Variants in PRSS23 observed in about 807,000 individuals in gnomAD.
The protein encoded by PRSS23 is protease, serine 23.
Under a neutral mutation model 34.7 loss-of-function variants are expected in PRSS23, and 25 were observed. The observed-to-expected ratio is 0.72, with a 90% CI of 0.53 to 1.01. The LOEUF is 1.01. Ranked by LOEUF, PRSS23 falls within the 50% of genes least tolerant of loss-of-function variation. PRSS23 has a pLI of 0.00. For missense variants in PRSS23, 445 were observed against 475.6 expected (o/e 0.94, Z 0.60); for synonymous variants, 176 against 186.6 (o/e 0.94, Z 0.46).
At chr11:86,951,459 G>T (rs748018430) in exon 3 of PRSS23, 3 of 1,613,922 alleles carry the variant, frequency 1.9e-6, no homozygotes. Flanking sequence ...TTGACCATCA[G>T]TCTTTCTAAC....
intron 2 of PRSS23, among the ~76,000 whole-genome samples, chr11:86,898,146 G>A (rs1948888691): frequency 6.6e-6 from 1 of 152,152 alleles, no homozygotes; most frequent in Non-Finnish European, 1.5e-5. Flanking sequence ...AAACCCCAGG[G>A]CAGATATTTC....
At chr11:86,901,620 A>C (rs1948912610) in intron 2 of PRSS23, among the ~76,000 whole-genome samples, 1 of 152,194 alleles carries the variant, frequency 6.6e-6, no homozygotes, top group South Asian at 2.1e-4. Context: ...GAAAGCCTCT[A>C]ATTCAAAGTC....
intron 1 of PRSS23, among the ~76,000 whole-genome samples, chr11:86,806,320 T>G (rs184828767): frequency 4.6e-5 from 7 of 152,348 alleles, no homozygotes; most frequent in African/African-American, 1.4e-4. Context: ...CTCTGTCTTA[T>G]GTTATCAGAC....
rs149491135 is a variant in PRSS23 at position 86,851,517 on chromosome 11, G to C, written c.206+27924G>C. ...GAGTGACAAGGATTTGAGAGGGCAG[G>C]TTGGATGCAGGGAGAGGACTGGCCA... On this transcript the variant is annotated intron_variant, in intron 2 of 2. Transcript: ENST00000533902. 7.9e-5 allele frequency among the ~76,000 whole-genome samples: 12 copies of C among 152,336 alleles called. No individual in the cohort carries two copies. In the East Asian group the frequency reaches 1.9e-3, roughly 24 times the overall value.
At chr11:86,819,722 TG>T (rs1948239731) in intron 1 of PRSS23, among the ~76,000 whole-genome samples, 1 of 152,220 alleles carries the variant, frequency 6.6e-6, no homozygotes, top group Non-Finnish European at 1.5e-5. Flanking sequence ...TCTCAAAATA[TG>T]GTATAAATTA....
chr11:86,850,101 G>C (rs1297097009), intron 2 of PRSS23, among the ~76,000 whole-genome samples: 2 of 152,130 alleles, frequency 1.3e-5, no homozygotes, highest in Non-Finnish European at 2.9e-5. Flanking sequence ...CCCTTTCTAG[G>C]CCCTGTGACA....
At chr11:86,837,505 AC>A (rs1948415822) in intron 2 of PRSS23, 2 of 152,248 alleles carry the variant, frequency 1.3e-5, no homozygotes, top group African/African-American at 2.4e-5. Context: ...ACAGTGGCTC[AC>A]ACCTGTAATC....
Position 86,920,037 on chromosome 11 carries a change from T to C in PRSS23, c.207-31179T>C, listed in dbSNP as rs566048267. On this transcript the variant is annotated intron_variant, in intron 2 of 2. Transcript: ENST00000533902. The stretch of plus-strand genomic sequence containing the variant: ...GCCAGCGTGAAGGCCTGTGCTTCTG[T>C]GGTGAGGTCTGCGGTTTGGTGTGAA... Among the ~76,000 whole-genome samples, 227 of 152,234 alleles carry C rather than the reference T, an allele frequency of 1.5e-3. 2 individuals carry two copies. Among genetic ancestry groups the C allele is most frequent in the African/African-American group, 1.3e-3 (55 of 41,538 alleles).
chr11:86,951,032 T>C, intron 2 of PRSS23: 2 of 1,182,938 alleles, frequency 1.7e-6, no homozygotes, highest in Non-Finnish European at 2.5e-6. Context: ...ACTTAATTGT[T>C]GCTAGTTTGT....
rs573813651 is a variant in PRSS23 at position 86,826,424 on chromosome 11, CAT to C, written c.206+2832_206+2833del. Among the ~76,000 whole-genome samples, 64 of 152,328 alleles carry C rather than the reference CAT, an allele frequency of 4.2e-4. 1 individual carries two copies. The East Asian group carries it at 9.1e-3, about 22-fold the overall frequency. The stretch of plus-strand genomic sequence containing the variant: ...CGATGGGGTTTTCTAGATATACAAT[CAT>C]GTCATCTGCAAACAGGGACAATTTG... On this transcript the variant is annotated intron_variant, in intron 2 of 2. Transcript: ENST00000533902.
chr11:86,822,793 T>C (rs1006715869), intron 1 of PRSS23, among the ~76,000 whole-genome samples: 6 of 152,112 alleles, frequency 3.9e-5, no homozygotes, highest in Non-Finnish European at 8.8e-5. Flanking sequence ...TTAGTGGAAG[T>C]ATTTTGTAGA....
At position 86,808,898 on chromosome 11, in the gene PRSS23, G is replaced by A; in HGVS notation, c.*103G>A. On this transcript the variant is annotated 3_prime_UTR_variant, in exon 2 of 2. Coordinates refer to ENST00000280258, the MANE Select transcript of PRSS23 (RefSeq NM_007173.6). Reference sequence around the variant, plus strand: ...GGCGTGCACACGTGTGTGTGTGTGTGTGTGTGTGTGTAAGGTGTCTTATAA... The same window carrying A: ...GGCGTGCACACGTGTGTGTGTGTGTATGTGTGTGTGTAAGGTGTCTTATAA... 2 of 925,854 alleles carry A rather than the reference G, an allele frequency of 2.2e-6. No individual in the cohort carries two copies. Among genetic ancestry groups the A allele is most frequent in the Admixed American group, 2.4e-5 (1 of 41,772 alleles). The allele number at this position is 925,854 out of a possible 1,614,324, so 57.4% of individuals were successfully genotyped here.
In PRSS23 at chr11:86,800,644, C is replaced by T. The variant is rs937994592; in HGVS notation, c.-21C>T. ...CGAGCCGCGGCCCGGGCGGGCTGCTCGGCGCGGGTGAGTGCGGGCACCGAC... is the reference window on the plus strand; with the variant it reads ...CGAGCCGCGGCCCGGGCGGGCTGCTTGGCGCGGGTGAGTGCGGGCACCGAC... On this transcript the variant is annotated 5_prime_UTR_variant, in exon 1 of 2. Transcript: ENST00000280258. 1.4e-5 allele frequency: 14 copies of T among 985,070 alleles called. No homozygotes were observed. In the Admixed American group the frequency reaches 4.9e-4, roughly 35 times the overall value. 61.0% of individuals were successfully genotyped at this position (985,070 alleles called of 1,614,324 possible). A position where few individuals can be genotyped will look rare whatever the true frequency, so the allele number is the denominator to read the frequency against.
rs150886397 is a variant in PRSS23, at chr11:86,917,726, A to G, written c.207-33490A>G. 3.5e-3 allele frequency among the ~76,000 whole-genome samples: 531 copies of G among 152,362 alleles called. 2 individuals are homozygous for G. The highest frequency in any genetic ancestry group is 0.01 in the Middle Eastern group (3 of 294). ...GTCCCATAGTGACATAGATATTTCAATGGAGAAAAGATTGGACCACATTAG... is the reference window on the plus strand; with the variant it reads ...GTCCCATAGTGACATAGATATTTCAGTGGAGAAAAGATTGGACCACATTAG... On this transcript the variant is annotated intron_variant, in intron 2 of 2. Transcript: ENST00000533902.
intron 2 of PRSS23, among the ~76,000 whole-genome samples, chr11:86,945,526 G>T (rs1050332021): frequency 6.6e-6 from 1 of 152,108 alleles, no homozygotes; most frequent in Non-Finnish European, 1.5e-5. Flanking sequence ...AATCCCACAG[G>T]GGAAAAAGAG....
intron 2 of PRSS23, among the ~76,000 whole-genome samples, chr11:86,845,371 A>G (rs1948478959): frequency 6.6e-6 from 1 of 152,226 alleles, no homozygotes; most frequent in Admixed American, 6.5e-5. Flanking sequence ...GTTGAATTGT[A>G]TGGAGATTAA....
At chr11:86,928,442 G>A (rs1244632861) in intron 2 of PRSS23, among the ~76,000 whole-genome samples, 2 of 148,610 alleles carry the variant, frequency 1.3e-5, no homozygotes, top group African/African-American at 2.5e-5. Flanking sequence ...TTGGGAGGCT[G>A]AGGCAGGCAG....
chr11:86,906,161 G>C (rs1044305587), intron 2 of PRSS23, among the ~76,000 whole-genome samples: 3 of 152,196 alleles, frequency 2.0e-5, no homozygotes, highest in Admixed American at 1.3e-4. Flanking sequence ...GGGCCGGGGG[G>C]CGGGGGCAAG....
At chr11:86,875,989 T>C (rs990191518) in intron 2 of PRSS23, among the ~76,000 whole-genome samples, 2 of 152,254 alleles carry the variant, frequency 1.3e-5, no homozygotes, top group Admixed American at 6.5e-5. Flanking sequence ...CTCCTTTATA[T>C]GGCAGACATG....
Sources: allele counts gnomAD v4.1 joint callset (sites outside exome capture counted in the v4.1 genomes callset), GRCh38; gene constraint gnomAD v4.1.1; transcripts MANE v1.5; gene names NCBI Gene and HGNC (gene_info 2026-07-23, HGNC 2026-07-21).